GABRB3: variants seen among roughly 807,000 people sequenced by gnomAD.
The protein encoded by GABRB3 is gamma-aminobutyric acid type A receptor subunit beta3.
In GABRB3, 14 loss-of-function variants were observed where a neutral mutation model predicts 52.1. That is an observed-to-expected ratio of 0.27 (90% CI 0.18 to 0.42). The LOEUF is 0.42. Among genes scored for constraint, GABRB3 ranks in the 10% least tolerant of loss-of-function variants. The pLI is 1.00. For synonymous variants in GABRB3, 260 were observed against 232.3 expected (o/e 1.12, Z -1.08); for missense variants, 307 against 609.1 (o/e 0.50, Z 5.22).
At chr15:26,735,130 A>T (rs1890032631) in intron 3 of GABRB3, among the ~76,000 whole-genome samples, 1 of 152,268 alleles carries the variant, frequency 6.6e-6, no homozygotes, top group South Asian at 2.1e-4. Context: ...GAATAAGCAC[A>T]TGAAAAGATG....
intron 3 of GABRB3, among the ~76,000 whole-genome samples, chr15:26,760,754 T>C (rs1890794310): frequency 6.6e-6 from 1 of 151,826 alleles, no homozygotes; most frequent in South Asian, 2.1e-4. Context: ...TAAGAATGCT[T>C]CTTTTAAAAA....
intron 8 of GABRB3, among the ~76,000 whole-genome samples, chr15:26,553,886 C>A (rs191512143): frequency 8.2e-4 from 123 of 150,440 alleles, no homozygotes; most frequent in Middle Eastern, 3.4e-3. Flanking sequence ...ATAATTATTA[C>A]TTTTTAGAGA....
At chr15:26,665,649 G>C (rs1368721192) in intron 3 of GABRB3, among the ~76,000 whole-genome samples, 1 of 152,108 alleles carries the variant, frequency 6.6e-6, no homozygotes, top group African/African-American at 2.4e-5. Flanking sequence ...TGCTCATGTG[G>C]GCACTCATGT....
intron 3 of GABRB3, among the ~76,000 whole-genome samples, chr15:26,703,715 A>T (rs1889009019): frequency 6.6e-6 from 1 of 152,220 alleles, no homozygotes; most frequent in Non-Finnish European, 1.5e-5. Context: ...TAGTGCCAAA[A>T]GAGAGGAAAG....
intron 3 of GABRB3, among the ~76,000 whole-genome samples, chr15:26,690,068 CT>C (rs374087237): frequency 1.6e-4 from 24 of 148,016 alleles, no homozygotes; most frequent in Non-Finnish European, 2.5e-4. Context: ...AGATACAGCT[CT>C]TTTTTTTACC....
chr15:26,575,481 T>C (rs1890562962), intron 6 of GABRB3, among the ~76,000 whole-genome samples: 1 of 152,202 alleles, frequency 6.6e-6, no homozygotes, highest in Admixed American at 6.5e-5. Context: ...AGACAGATGG[T>C]AATTCTTCCT....
At chr15:26,717,788 C>G (rs545196278) in intron 3 of GABRB3, among the ~76,000 whole-genome samples, 1 of 152,294 alleles carries the variant, frequency 6.6e-6, no homozygotes, top group East Asian at 1.9e-4. Flanking sequence ...GGATCTTCGT[C>G]TTGTCAGTCT....
intron 3 of GABRB3, among the ~76,000 whole-genome samples, chr15:26,673,650 A>G (rs528154412): frequency 6.6e-6 from 1 of 152,368 alleles, no homozygotes; most frequent in East Asian, 1.9e-4. Flanking sequence ...AAGCTCCCTC[A>G]TTCAGAGCAA....
At chr15:26,657,361 T>C (rs1887406133) in intron 3 of GABRB3, 2 of 152,358 alleles carry the variant, frequency 1.3e-5, no homozygotes, top group South Asian at 4.1e-4. Context: ...TGAATCCTAA[T>C]TGCCAAATGC....
Position 26,592,491 on chromosome 15 carries a change from T to C in GABRB3, c.462-9077A>G, listed in dbSNP as rs74343298. Among the ~76,000 whole-genome samples, 8 of 152,316 alleles carry C rather than the reference T, an allele frequency of 5.3e-5. No homozygotes were observed. The East Asian group carries it at 1.5e-3, about 29-fold the overall frequency. On this transcript the variant is annotated intron_variant, in intron 4 of 8. Coordinates refer to ENST00000311550, the MANE Select transcript of GABRB3 (RefSeq NM_000814.6). ...AAAAATTTAGATGACCTGTGTCTGG[T>C]TACTAAATGTATGAGTGGATATGGC... is the stretch of plus-strand genomic sequence containing the variant.
chr15:26,726,450 T>C (rs1184250856), intron 3 of GABRB3, among the ~76,000 whole-genome samples: 2 of 152,214 alleles, frequency 1.3e-5, no homozygotes, highest in Non-Finnish European at 2.9e-5. Context: ...AGTTCCTTTC[T>C]GGACCCGGTT....
At chr15:26,710,125 C>G (rs1024380538) in intron 3 of GABRB3, among the ~76,000 whole-genome samples, 10 of 152,246 alleles carry the variant, frequency 6.6e-5, no homozygotes, top group African/African-American at 2.4e-4. Flanking sequence ...CTCTTTATTG[C>G]CAAATAGTAT....
chr15:26,703,506 C>G (rs991077104), intron 3 of GABRB3, among the ~76,000 whole-genome samples: 1 of 152,202 alleles, frequency 6.6e-6, no homozygotes, highest in Non-Finnish European at 1.5e-5. Context: ...GGAATACATT[C>G]ACTCCATGCC....
rs1003358719 is a variant in GABRB3 at position 26,543,672 on chromosome 15, T to G, written c.*4121A>C. On this transcript the variant is annotated 3_prime_UTR_variant, in exon 9 of 9. Coordinates refer to ENST00000311550, the MANE Select transcript of GABRB3 (RefSeq NM_000814.6). Reference sequence around the variant, plus strand: ...TACCAAAAAATTACATCAATGTGCTTAAGCAAAACTGGGTTTAAATTTATC... The same window carrying G: ...TACCAAAAAATTACATCAATGTGCTGAAGCAAAACTGGGTTTAAATTTATC... 6.6e-6 allele frequency: 1 copy of G among 152,658 alleles called. No individual in the cohort carries two copies. Among genetic ancestry groups the G allele is most frequent in the East Asian group, 1.9e-4 (1 of 5,192 alleles). 9.5% of individuals were successfully genotyped at this position (152,658 alleles called of 1,614,324 possible). A position where few individuals can be genotyped will look rare whatever the true frequency, so the allele number is the denominator to read the frequency against.
intron 3 of GABRB3, among the ~76,000 whole-genome samples, chr15:26,713,947 A>G (rs1452719752): frequency 1.3e-5 from 2 of 152,236 alleles, no homozygotes; most frequent in Non-Finnish European, 2.9e-5. Flanking sequence ...GTGAGTGTCC[A>G]AAGTGCCTTC....
chr15:26,607,570 T>TAA (rs551498934), intron 4 of GABRB3, among the ~76,000 whole-genome samples: 1 of 143,934 alleles, frequency 6.9e-6, no homozygotes, highest in African/African-American at 2.5e-5. Context: ...AGACCCTGTC[T>TAA]AAAAAAAAAC....
At chr15:26,626,439 G>A (rs11161323) in intron 3 of GABRB3, among the ~76,000 whole-genome samples, 52,457 of 152,040 alleles carry the variant, frequency 0.35, 9,978 homozygotes, top group Middle Eastern at 0.49. Flanking sequence ...AAATGATTAA[G>A]CTTAGTGAGG....
chr15:26,586,288 C>T (rs747797381), intron 4 of GABRB3, among the ~76,000 whole-genome samples: 22 of 152,026 alleles, frequency 1.4e-4, no homozygotes, highest in East Asian at 1.2e-3. Context: ...TGAGCCACCG[C>T]GCCTGGCTTA....
intron 5 of GABRB3, 105 bp from the exon 6 acceptor site, chr15:26,580,561 A>G: frequency 6.9e-7 from 1 of 1,442,532 alleles, no homozygotes; most frequent in Non-Finnish European, 9.7e-7. Flanking sequence ...CTATGTTTTG[A>G]GTAGATTTGC....
Sources: allele counts gnomAD v4.1 joint callset (sites outside exome capture counted in the v4.1 genomes callset), GRCh38; gene constraint gnomAD v4.1.1; transcripts MANE v1.5; gene names NCBI Gene and HGNC (gene_info 2026-07-23, HGNC 2026-07-21).